Variants in UBR4 observed in about 807,000 individuals in gnomAD.
UBR4 encodes ubiquitin protein ligase E3 component n-recognin 4.
UBR4 carries 124 observed loss-of-function variants against 575.6 expected under a neutral mutation model. That is an observed-to-expected ratio of 0.22 (90% confidence interval 0.19 to 0.25). The LOEUF (loss-of-function observed/expected upper bound fraction) is 0.25. Ranked by LOEUF, UBR4 falls within the 10% of genes least tolerant of loss-of-function variation. The probability of loss-of-function intolerance (pLI) is 1.00; values close to 1 mark genes in which losing one functional copy is unlikely to be tolerated. For missense variants in UBR4, 4,818 were observed against 6,478.8 expected (o/e 0.74, Z 8.80); for synonymous variants, 2,455 against 2,473.7 (o/e 0.99, Z 0.22).
intron 55 of UBR4, among the ~76,000 whole-genome samples, chr1:19,143,017 G>A (rs1279159508): frequency 6.6e-6 from 1 of 151,776 alleles, no homozygotes; most frequent in Admixed American, 6.6e-5. Context: ...AGCTACTAGG[G>A]AGGCAGAGAT....
chr1:19,203,853 G>A (rs910560210), intron 1 of UBR4, among the ~76,000 whole-genome samples: 3 of 152,142 alleles, frequency 2.0e-5, no homozygotes, highest in Admixed American at 6.5e-5. Context: ...ATAAAAAGGA[G>A]AAAATAAAAA....
At chr1:19,104,811 GC>G (rs2079014530) in intron 85 of UBR4, 145 bp from the exon 86 acceptor site, 1 of 1,115,460 alleles carries the variant, frequency 9.0e-7, no homozygotes, top group African/African-American at 1.6e-5. Flanking sequence ...TTTCCAGGAA[GC>G]CAACAGTCAC....
In UBR4 at chr1:19,100,011, C is replaced by A. The variant is rs774137192; in HGVS notation, c.13222-334G>T. ...ACGGTCTGCCAGAAAGTAACTGACA[C>A]GGGGACATAAACCTGCACAGGGGGT... is the stretch of plus-strand genomic sequence containing the variant. On this transcript the variant is annotated intron_variant, in intron 89 of 105. Coordinates refer to ENST00000375254, the MANE Select transcript of UBR4 (RefSeq NM_020765.3). This position sits in a 1 kb window ranked among gnomAD's most constrained non-coding sequence, Gnocchi z 4.2. The A allele has an allele frequency of 2.3e-6, 1 of 429,742 alleles. No individual in the cohort carries two copies. The highest frequency in any genetic ancestry group is 4.2e-6 in the Non-Finnish European group (1 of 240,148). 26.6% of individuals were successfully genotyped at this position (429,742 alleles called of 1,614,324 possible).
chr1:19,143,262 G>GGAAGAA (rs2084293251), intron 55 of UBR4, among the ~76,000 whole-genome samples: 2 of 38,600 alleles, frequency 5.2e-5, no homozygotes, highest in African/African-American at 1.7e-4. Flanking sequence ...AAGGAAGGAA[G>GGAAGAA]AAAGAAAGAA....
chr1:19,198,768 A>G, intron 4 of UBR4, 31 bp downstream of exon 4: 1 of 1,613,706 alleles, frequency 6.2e-7, no homozygotes, highest in Non-Finnish European at 8.5e-7. Flanking sequence ...GGGGGTGGTC[A>G]TGTGATCAGA....
At position 19,138,211 on chromosome 1, in the gene UBR4, T is replaced by TCAACTCC. The variant is rs781750852; in HGVS notation, c.8732-37_8732-31dup. The stretch of plus-strand genomic sequence containing the variant: ...AGGGAAATGGTTTAAAAAGCACAAA[T>TCAACTCC]CAACTCCCAAAGCATGAAGGAACCC... On this transcript the variant is annotated intron_variant, in intron 59 of 105. Coordinates refer to ENST00000375254, the MANE Select transcript of UBR4 (RefSeq NM_020765.3). 86 of 1,473,806 alleles carry TCAACTCC rather than the reference T, an allele frequency of 5.8e-5. 2 individuals are homozygous for TCAACTCC. The South Asian group carries it at 1.1e-3, about 18-fold the overall frequency. The allele number at this position is 1,473,806 out of a possible 1,614,324, so 91.3% of individuals were successfully genotyped here.
rs776505382 is a variant in UBR4 at position 19,114,819 on chromosome 1, G to A, written c.11194C>T (p.Arg3732Trp). 4 of 1,614,044 alleles carry A rather than the reference G, an allele frequency of 2.5e-6. No individual in the cohort carries two copies. The highest frequency in any genetic ancestry group is 1.1e-5 in the South Asian group (1 of 91,066). The part of the protein sequence containing the change: ...AVDPIENEED[R>W]KKAVSNINTL... Reference sequence around the variant, plus strand: ...GCCAGATCTGGCCTCACCTTCTTCCGGTCTTCTTCATTCTCAATGGGATCC... The same window carrying A: ...GCCAGATCTGGCCTCACCTTCTTCCAGTCTTCTTCATTCTCAATGGGATCC... The change falls in exon 75 of 106, where the codon CGG (arginine) becomes TGG (tryptophan). Residue 3732 changes from arginine to tryptophan, a missense_variant. Around this residue, in one of 29 missense-constraint regions of UBR4, gnomAD observed 333 missense variants for 459.2 expected, o/e 0.73. Transcript: ENST00000375254.
At position 19,119,717 on chromosome 1, in the gene UBR4, A is replaced by C. The variant is rs919406035; in HGVS notation, c.10311-16T>G. 5 of 1,592,836 alleles carry C rather than the reference A, an allele frequency of 3.1e-6. No homozygotes were observed. The highest frequency in any genetic ancestry group is 4.3e-6 in the Non-Finnish European group (5 of 1,163,388). On this transcript the variant is annotated splice_polypyrimidine_tract_variant and intron_variant, in intron 69 of 105. Coordinates refer to ENST00000375254, the MANE Select transcript of UBR4 (RefSeq NM_020765.3). Reference sequence around the variant, plus strand: ...GCTGGAATTTCTGTGGATATATGACAGCTCATGTTACCAAGCAGCAGAAAA... The same window carrying C: ...GCTGGAATTTCTGTGGATATATGACCGCTCATGTTACCAAGCAGCAGAAAA...
chr1:19,082,971 G>A (rs1380302323), intron 102 of UBR4, among the ~76,000 whole-genome samples: 1 of 152,184 alleles, frequency 6.6e-6, no homozygotes, highest in Non-Finnish European at 1.5e-5. Flanking sequence ...AGCAGTCTGG[G>A]CCGAGAAGCA....
rs756531037 is a variant in UBR4 at position 19,139,233 on chromosome 1, C to T, written c.8594-13G>A. 16 of 1,591,794 alleles carry T rather than the reference C, an allele frequency of 1.0e-5. No homozygotes were observed. The highest frequency in any genetic ancestry group is 2.2e-5 in the East Asian group (1 of 44,538). On this transcript the variant is annotated splice_polypyrimidine_tract_variant and intron_variant, in intron 58 of 105. Transcript: ENST00000375254. The surrounding 1 kb of genome is among the most constrained non-coding windows in gnomAD (Gnocchi z 4.2). ...TCTGAGGCTGGAGCTGAGAGAGTAA[C>T]GAGAGCTGTTACAGGTTAAAAAACA... is the stretch of plus-strand genomic sequence containing the variant.
At chr1:19,171,936 T>C (rs1458054368) in intron 25 of UBR4, among the ~76,000 whole-genome samples, 1 of 152,076 alleles carries the variant, frequency 6.6e-6, no homozygotes, top group Non-Finnish European at 1.5e-5. Context: ...CGGTGAAAAC[T>C]GCTGCAAAGG....
Position 19,164,243 on chromosome 1 carries a change from A to G in UBR4, c.4700+10T>C. 1.2e-6 allele frequency: 2 copies of G among 1,608,050 alleles called. No individual in the cohort carries two copies. Among genetic ancestry groups the G allele is most frequent in the Non-Finnish European group, 1.7e-6 (2 of 1,175,468 alleles). ...TGTTGTAACCTACAGATACAACTTC[A>G]TCATCTTACCATCTGCTCAGCCAAT... On this transcript the variant is annotated intron_variant, in intron 33 of 105. Transcript: ENST00000375254.
At chr1:19,156,551 A>G (rs772803028) in intron 41 of UBR4, 128 bp from the exon 42 acceptor site, 241 of 1,269,720 alleles carry the variant, frequency 1.9e-4, no homozygotes, top group Non-Finnish European at 2.5e-4. Flanking sequence ...TAGACTGTCT[A>G]GTAACATTCA....
Position 19,089,573 on chromosome 1 carries a change from A to G in UBR4, c.14212-596T>C, listed in dbSNP as rs1378404889. Among the ~76,000 whole-genome samples the G allele has an allele frequency of 6.6e-6, 1 of 152,236 alleles. No homozygotes were observed. The highest frequency in any genetic ancestry group is 2.4e-5 in the African/African-American group (1 of 41,450). On this transcript the variant is annotated intron_variant, in intron 97 of 105. Transcript: ENST00000375254. This position sits in a 1 kb window ranked among gnomAD's most constrained non-coding sequence, Gnocchi z 4.3. ...TCTGTGCCTGAAAAAGCTGGAAGTC[A>G]CTACGTATAGCGCTATGTGATAAAC...
At chr1:19,140,699 AG>A (rs1039724085) in intron 58 of UBR4, 88 bp downstream of exon 58, 2 of 1,322,842 alleles carry the variant, frequency 1.5e-6, no homozygotes, top group African/African-American at 2.9e-5. Flanking sequence ...GGCCTGTCAA[AG>A]CAGCTGCCCA....
At chr1:19,187,822 G>C (rs916871043) in intron 11 of UBR4, among the ~76,000 whole-genome samples, 2 of 151,998 alleles carry the variant, frequency 1.3e-5, no homozygotes, top group African/African-American at 4.8e-5. Context: ...CAACACTTTT[G>C]AGAGGCCGAG....
At chr1:19,103,886 C>G (rs888391348) in intron 87 of UBR4, among the ~76,000 whole-genome samples, 198 bp downstream of exon 87, 2 of 152,196 alleles carry the variant, frequency 1.3e-5, no homozygotes, top group Non-Finnish European at 2.9e-5. Flanking sequence ...ATGAAAAATC[C>G]AAAGTGACTG....
Position 19,076,376 on chromosome 1 carries a change from T to C in UBR4, c.15487+364A>G, listed in dbSNP as rs532340812. On this transcript the variant is annotated intron_variant, in intron 105 of 105. Coordinates refer to ENST00000375254, the MANE Select transcript of UBR4 (RefSeq NM_020765.3). The stretch of plus-strand genomic sequence containing the variant: ...AAAAAACAGACTCAAACAGGGATGC[T>C]ATCACTTTCTAGCTATGTTCCCTTG... Among the ~76,000 whole-genome samples the C allele has an allele frequency of 7.2e-5, 11 of 152,324 alleles. No homozygotes were observed. The South Asian group carries it at 1.9e-3, about 26-fold the overall frequency.
At chr1:19,097,101 G>T (rs2078139391) in intron 91 of UBR4, 92 bp downstream of exon 91, 3 of 1,045,268 alleles carry the variant, frequency 2.9e-6, no homozygotes. Flanking sequence ...AGAGGTACAA[G>T]AGAGAAGCAA....
Sources: allele counts gnomAD v4.1 joint callset (sites outside exome capture counted in the v4.1 genomes callset), GRCh38; gene constraint gnomAD v4.1.1; regional missense constraint gnomAD v4.1.1; non-coding constraint Gnocchi (gnomAD v3.1); transcripts MANE v1.5; gene names NCBI Gene and HGNC (gene_info 2026-07-23, HGNC 2026-07-21).